The following UVRAG variants were observed in gnomAD, a reference collection of about 807,000 sequenced individuals.
UVRAG encodes the protein UV radiation resistance associated.
A neutral mutation model predicts 78.0 loss-of-function variants in UVRAG; 19 were observed. The observed-to-expected ratio is 0.24, with a 90% CI of 0.17 to 0.36. UVRAG has a LOEUF of 0.36. UVRAG is among the 10% of genes least tolerant of loss of function. The pLI, the probability that UVRAG is intolerant of heterozygous loss-of-function variation, is 1.00. For missense variants in UVRAG, 740 were observed against 853.8 expected (o/e 0.87, Z 1.66); for synonymous variants, 323 against 324.6 (o/e 1.00, Z 0.05).
chr11:75,844,383 C>T (rs1052975957), intron 1 of UVRAG, among the ~76,000 whole-genome samples: 2 of 151,874 alleles, frequency 1.3e-5, no homozygotes, highest in African/African-American at 2.4e-5. Context: ...CCCGCCACCA[C>T]GCCTGGCTAA....
chr11:76,088,910 C>G (rs933669486), intron 13 of UVRAG, among the ~76,000 whole-genome samples: 1 of 152,112 alleles, frequency 6.6e-6, no homozygotes, highest in African/African-American at 2.4e-5. Context: ...GTATGTCTCC[C>G]CTACTAAATT....
chr11:76,038,314 A>G (rs916982309), intron 12 of UVRAG, among the ~76,000 whole-genome samples: 1 of 152,210 alleles, frequency 6.6e-6, no homozygotes, highest in Non-Finnish European at 1.5e-5. Context: ...AATTCCATTC[A>G]GCACCTGCTT....
At chr11:76,126,215 A>G (rs1239852537) in intron 14 of UVRAG, among the ~76,000 whole-genome samples, 2 of 152,190 alleles carry the variant, frequency 1.3e-5, no homozygotes, top group East Asian at 3.8e-4. Context: ...TGCTGGGATT[A>G]CAGGCGTGAG....
At chr11:75,905,030 G>A (rs60178265) in intron 5 of UVRAG, among the ~76,000 whole-genome samples, 4,868 of 152,186 alleles carry the variant, frequency 0.032, 261 homozygotes, top group African/African-American at 0.11. Flanking sequence ...GTTATAAAGT[G>A]TGGCTTTTAG....
At chr11:76,127,465 C>G (rs975286776) in intron 14 of UVRAG, among the ~76,000 whole-genome samples, 3 of 151,280 alleles carry the variant, frequency 2.0e-5, no homozygotes, top group Non-Finnish European at 2.9e-5. Context: ...ACCAGCTGAC[C>G]AACATGGTGA....
At chr11:75,831,931 G>A (rs917844543) in intron 1 of UVRAG, among the ~76,000 whole-genome samples, 10 of 152,136 alleles carry the variant, frequency 6.6e-5, no homozygotes, top group South Asian at 2.1e-4. Context: ...TTTTAAAAAA[G>A]CATTGAATAT....
At chr11:75,943,012 G>A (rs1033652722) in intron 6 of UVRAG, among the ~76,000 whole-genome samples, 1 of 152,100 alleles carries the variant, frequency 6.6e-6, no homozygotes, top group Admixed American at 6.6e-5. Flanking sequence ...AGTGAGCTAT[G>A]ATCATACCAC....
intron 13 of UVRAG, among the ~76,000 whole-genome samples, chr11:76,072,132 C>G (rs1425512962): frequency 6.6e-6 from 1 of 151,982 alleles, no homozygotes; most frequent in African/African-American, 2.4e-5. Flanking sequence ...CAGACACACA[C>G]GTACAGTGGG....
chr11:75,982,888 A>G (rs1949420956), intron 7 of UVRAG, among the ~76,000 whole-genome samples: 1 of 152,134 alleles, frequency 6.6e-6, no homozygotes. Context: ...GATAGGCCAC[A>G]TTTTATTTAT....
At chr11:76,085,063 C>CA (rs781218840) in intron 13 of UVRAG, among the ~76,000 whole-genome samples, 2,523 of 49,248 alleles carry the variant, frequency 0.051, 82 homozygotes, top group South Asian at 0.066. Flanking sequence ...GACCCTGTCT[C>CA]AAAAAAAAAA....
At chr11:76,121,169 G>A (rs758998156) in intron 14 of UVRAG, among the ~76,000 whole-genome samples, 29 of 152,188 alleles carry the variant, frequency 1.9e-4, no homozygotes, top group African/African-American at 3.1e-4. Flanking sequence ...TTCTTGCACA[G>A]TATGGAATTC....
chr11:76,047,737 A>G (rs187781546), intron 12 of UVRAG, among the ~76,000 whole-genome samples: 67 of 152,338 alleles, frequency 4.4e-4, no homozygotes, highest in Admixed American at 1.3e-3. Context: ...CAAGAGTAAT[A>G]TAGGACACAT....
chr11:76,048,599 T>C (rs1311439615), intron 12 of UVRAG, among the ~76,000 whole-genome samples: 2 of 152,220 alleles, frequency 1.3e-5, no homozygotes, highest in African/African-American at 4.8e-5. Context: ...AATTGTCTTT[T>C]TGTGCTCTGA....
rs796604161 is a variant in UVRAG at position 76,002,991 on chromosome 11, C to T, written c.827-1014C>T. Among the ~76,000 whole-genome samples, 41 of 152,046 alleles carry T rather than the reference C, an allele frequency of 2.7e-4. 1 individual carries two copies. The highest frequency in any genetic ancestry group is 9.6e-4 in the African/African-American group (40 of 41,460). On this transcript the variant is annotated intron_variant, in intron 8 of 14. Transcript: ENST00000356136. ...ACTTAGGAGGCTGAGGCAGGAGGAT[C>T]ACCTCAGCTTGGGGAAGTTGAGGCT...
chr11:75,936,247 T>C (rs1348659205), intron 6 of UVRAG, among the ~76,000 whole-genome samples: 2 of 152,246 alleles, frequency 1.3e-5, no homozygotes, highest in Non-Finnish European at 2.9e-5. Flanking sequence ...AGTTAACCTT[T>C]TAGACTTTGC....
intron 6 of UVRAG, among the ~76,000 whole-genome samples, chr11:75,952,169 A>G (rs145912925): frequency 5.3e-4 from 80 of 152,306 alleles, no homozygotes; most frequent in African/African-American, 1.8e-3. Flanking sequence ...CATTAGTTCT[A>G]GTAGTTGGAT....
intron 7 of UVRAG, among the ~76,000 whole-genome samples, 164 bp downstream of exon 7, chr11:75,961,713 C>G (rs1389627847): frequency 6.6e-6 from 1 of 152,170 alleles, no homozygotes; most frequent in African/African-American, 2.4e-5. Context: ...ACTTTCCCAT[C>G]TGCTAATAAT....
At chr11:76,095,870 C>CAAAAAAAAAAA (rs747792893) in intron 13 of UVRAG, among the ~76,000 whole-genome samples, 1 of 45,970 alleles carries the variant, frequency 2.2e-5, no homozygotes, top group East Asian at 6.5e-4. Flanking sequence ...GACTCTGTCT[C>CAAAAAAAAAAA]AAAAAAAAAA....
intron 13 of UVRAG, among the ~76,000 whole-genome samples, chr11:76,096,582 C>T (rs555924479): frequency 2.6e-5 from 4 of 152,184 alleles, no homozygotes; most frequent in South Asian, 2.1e-4. Context: ...GGTGTGTGTG[C>T]GTGCTAAAGT....
Sources: allele counts gnomAD v4.1 joint callset (sites outside exome capture counted in the v4.1 genomes callset), GRCh38; gene constraint gnomAD v4.1.1; transcripts MANE v1.5; gene names NCBI Gene and HGNC (gene_info 2026-07-23, HGNC 2026-07-21).